SPECC1: variants seen among roughly 807,000 people sequenced by gnomAD.
SPECC1 encodes the protein sperm antigen with calponin homology and coiled-coil domains 1, also known as cytospin-B.
Under a neutral mutation model 104.1 loss-of-function variants are expected in SPECC1, and 62 were observed. That is an observed-to-expected ratio of 0.60 (90% CI 0.49 to 0.74). SPECC1 has a LOEUF of 0.74. SPECC1 is among the 30% of genes least tolerant of loss of function. The pLI, the probability that SPECC1 is intolerant of heterozygous loss-of-function variation, is 0.00. For missense variants in SPECC1, 1,306 were observed against 1,310.5 expected (o/e 1.00, Z 0.05); for synonymous variants, 513 against 501.6 (o/e 1.02, Z -0.30).
In SPECC1 at chr17:20,232,183, G is replaced by A. The variant is rs1244117359; in HGVS notation, c.2146-17G>A. On this transcript the variant is annotated splice_polypyrimidine_tract_variant and intron_variant, in intron 6 of 14. Transcript: ENST00000395527. ...CTGGCAGGCGTCTGACATAAGGATG[G>A]GCTCTGACATTTTCAGGAGGAGACC... 1 of 1,613,524 alleles carries A rather than the reference G, an allele frequency of 6.2e-7. No individual in the cohort carries two copies. The highest frequency in any genetic ancestry group is 8.5e-7 in the Non-Finnish European group (1 of 1,179,998).
chr17:20,308,584 C>T (rs893497324), intron 14 of SPECC1, among the ~76,000 whole-genome samples: 5 of 151,934 alleles, frequency 3.3e-5, no homozygotes, highest in African/African-American at 4.8e-5. Flanking sequence ...GTAAATATTC[C>T]TATGAAACTT....
chr17:20,086,680 G>T (rs1175566049), intron 1 of SPECC1, among the ~76,000 whole-genome samples: 4 of 152,176 alleles, frequency 2.6e-5, no homozygotes, highest in African/African-American at 9.7e-5. Flanking sequence ...GGGAGGGGCA[G>T]TGGACGTGGT....
At chr17:20,077,415 C>G (rs1252071692) in intron 1 of SPECC1, among the ~76,000 whole-genome samples, 1 of 152,046 alleles carries the variant, frequency 6.6e-6, no homozygotes, top group Admixed American at 6.6e-5. Context: ...CAATCTGTTT[C>G]TACGCCATTA....
intron 10 of SPECC1, among the ~76,000 whole-genome samples, chr17:20,254,494 A>AGTG (rs1192399271): frequency 6.6e-6 from 1 of 152,198 alleles, no homozygotes; most frequent in Non-Finnish European, 1.5e-5. Flanking sequence ...GTGTGTGGCA[A>AGTG]GCACTGTGGA....
At chr17:20,297,108 C>A in intron 13 of SPECC1, 31 bp downstream of exon 13, 1 of 1,592,682 alleles carries the variant, frequency 6.3e-7, no homozygotes, top group Non-Finnish European at 8.6e-7. Context: ...CTTGGTTATC[C>A]TCTAAGAAAT....
chr17:20,252,358 T>C (rs1045846660), intron 9 of SPECC1, among the ~76,000 whole-genome samples: 2 of 152,154 alleles, frequency 1.3e-5, no homozygotes, highest in Non-Finnish European at 2.9e-5. Context: ...TGGGGTATGA[T>C]TGATCCCATC....
intron 1 of SPECC1, among the ~76,000 whole-genome samples, chr17:20,032,214 T>G (rs1054934815): frequency 1.2e-4 from 18 of 152,188 alleles, no homozygotes; most frequent in Non-Finnish European, 2.5e-4. Context: ...GTTTTTGACT[T>G]ACAGCATTTT....
intron 7 of SPECC1, among the ~76,000 whole-genome samples, chr17:20,242,789 G>A (rs1010980489): frequency 5.3e-5 from 8 of 152,018 alleles, no homozygotes; most frequent in Admixed American, 4.6e-4. Flanking sequence ...CTAAAATAAG[G>A]GATAATAATA....
chr17:20,156,352 C>T (rs1255249691), intron 3 of SPECC1: 5 of 1,143,140 alleles, frequency 4.4e-6, no homozygotes, highest in Non-Finnish European at 5.6e-6. Context: ...AGGCTAAGGT[C>T]CTGGGGTGTG....
chr17:20,194,502 ATTTTTT>A lies in SPECC1; in HGVS notation c.284-9813_284-9808del, dbSNP rs1209589252. ...TGTGTTCTGTTAGAAAAGAGAACGA[ATTTTTT>A]TTTTTTTTTTTTTTTTTGAGACAGA... On this transcript the variant is annotated intron_variant, in intron 3 of 14. Transcript: ENST00000395527. Among the ~76,000 whole-genome samples the A allele has an allele frequency of 2.7e-3, 235 of 86,540 alleles. 4 individuals are homozygous for A. Among genetic ancestry groups the A allele is most frequent in the African/African-American group, 0.012 (223 of 18,742 alleles). 56.8% of individuals were successfully genotyped at this position (86,540 alleles called of 152,430 possible).
intron 4 of SPECC1, among the ~76,000 whole-genome samples, chr17:20,206,117 G>A (rs1183875466): frequency 6.6e-6 from 1 of 152,158 alleles, no homozygotes; most frequent in Admixed American, 6.6e-5. Flanking sequence ...CTGATTATGG[G>A]CGGTTCAAAA....
At chr17:20,056,568 A>C (rs2045974554) in intron 1 of SPECC1, 2 of 213,510 alleles carry the variant, frequency 9.4e-6, no homozygotes, top group Non-Finnish European at 2.0e-5. Context: ...AGAGTCTGGG[A>C]GTTTACCTCC....
chr17:20,048,013 C>G (rs1252222091), intron 1 of SPECC1, among the ~76,000 whole-genome samples: 1 of 152,074 alleles, frequency 6.6e-6, no homozygotes, highest in Non-Finnish European at 1.5e-5. Flanking sequence ...CATTGGTGTC[C>G]TTGACTCATC....
At chr17:20,072,603 C>G (rs1178965121) in intron 1 of SPECC1, among the ~76,000 whole-genome samples, 1 of 152,234 alleles carries the variant, frequency 6.6e-6, no homozygotes, top group Non-Finnish European at 1.5e-5. Context: ...GCCAGGCCGG[C>G]TCTGAACTCC....
intron 1 of SPECC1, among the ~76,000 whole-genome samples, chr17:20,075,154 T>C (rs2046709345): frequency 6.6e-6 from 1 of 152,220 alleles, no homozygotes; most frequent in Non-Finnish European, 1.5e-5. Context: ...CCACCTGCCT[T>C]GGCCTCCCAA....
intron 3 of SPECC1, among the ~76,000 whole-genome samples, chr17:20,188,341 C>G (rs1270714644): frequency 6.6e-6 from 1 of 150,790 alleles, no homozygotes; most frequent in East Asian, 1.9e-4. Context: ...TCACTGCAGC[C>G]TCTGCCTCCT....
intron 5 of SPECC1, 125 bp downstream of exon 5, chr17:20,227,745 G>A (rs1399379973): frequency 2.4e-6 from 2 of 843,664 alleles, no homozygotes; most frequent in East Asian, 3.0e-5. Flanking sequence ...GTGAAACCCT[G>A]TCTCTACTAA....
intron 12 of SPECC1, among the ~76,000 whole-genome samples, chr17:20,295,543 G>A (rs1366013969): frequency 6.6e-6 from 1 of 152,184 alleles, no homozygotes; most frequent in Non-Finnish European, 1.5e-5. Flanking sequence ...CCAGTAATGG[G>A]ATGGCTGGGT....
At chr17:20,139,118 C>T (rs1300011490) in intron 3 of SPECC1, among the ~76,000 whole-genome samples, 1 of 152,184 alleles carries the variant, frequency 6.6e-6, no homozygotes, top group East Asian at 1.9e-4. Flanking sequence ...AGACTTTCAT[C>T]AAAGTCCTTT....
Sources: allele counts gnomAD v4.1 joint callset (sites outside exome capture counted in the v4.1 genomes callset), GRCh38; gene constraint gnomAD v4.1.1; transcripts MANE v1.5; gene names NCBI Gene and HGNC (gene_info 2026-07-23, HGNC 2026-07-21).